The following ZNF382 variants were observed in gnomAD, a reference collection of about 807,000 sequenced individuals.
The protein encoded by ZNF382 is zinc finger protein 382, also known as KRAB/zinc finger suppressor protein 1.
In ZNF382, 20 loss-of-function variants were observed where a neutral mutation model predicts 38.8. The ratio of observed to expected loss-of-function variants is 0.51; its 90% CI spans 0.36 to 0.75. The LOEUF (loss-of-function observed/expected upper bound fraction) is 0.75. Among genes scored for constraint, ZNF382 ranks in the 30% least tolerant of loss-of-function variants. ZNF382 has a pLI of 0.00. For synonymous variants in ZNF382, 202 were observed against 223.1 expected, an observed-to-expected ratio of 0.91 and a Z score of 0.84; for missense variants, 546 against 654.1, an observed-to-expected ratio of 0.83 and a Z score of 1.80.
chr19:36,607,439 G>A (rs945060057), intron 1 of ZNF382, 113 bp from the exon 2 acceptor site: 2 of 663,798 alleles, frequency 3.0e-6, no homozygotes, highest in East Asian at 2.8e-5. Flanking sequence ...GGTACACAGG[G>A]TGGACAAGTG....
chr19:36,623,463 C>T (rs1158997967), intron 4 of ZNF382, among the ~76,000 whole-genome samples: 2 of 152,056 alleles, frequency 1.3e-5, no homozygotes, highest in Non-Finnish European at 2.9e-5. Flanking sequence ...ATTACAATTT[C>T]AGACAGACGG....
In ZNF382 at chr19:36,631,678, G is replaced by C. The variant is rs965154516; in HGVS notation, c.*4128G>C. 29 of 152,144 alleles carry C rather than the reference G, an allele frequency of 1.9e-4. No individual in the cohort carries two copies. The highest frequency in any genetic ancestry group is 6.8e-4 in the African/African-American group (28 of 41,416). The allele number at this position is 152,144 out of a possible 1,614,324, so 9.4% of individuals were successfully genotyped here. ...TGGGATTACAGGTGTGAGCCACCATGCCTGGCTGGTACTATAATCTTATGA... is the reference window on the plus strand; with the variant it reads ...TGGGATTACAGGTGTGAGCCACCATCCCTGGCTGGTACTATAATCTTATGA... On this transcript the variant is annotated 3_prime_UTR_variant, in exon 5 of 5. Transcript: ENST00000292928.
At chr19:36,613,958 T>C (rs2037099779) in intron 4 of ZNF382, among the ~76,000 whole-genome samples, 1 of 152,234 alleles carries the variant, frequency 6.6e-6, no homozygotes, top group Non-Finnish European at 1.5e-5. Context: ...TTAAGTCACA[T>C]TGACAATACC....
chr19:36,606,752 A>C (rs3096629), intron 1 of ZNF382, among the ~76,000 whole-genome samples: 36,056 of 151,876 alleles, frequency 0.24, 4,405 homozygotes, highest in South Asian at 0.36. Context: ...ATAGATTTTT[A>C]ATAAGTCCAG....
In ZNF382 at chr19:36,619,599, A is replaced by G. The variant is rs116207762; in HGVS notation, c.233-6531A>G. Among the ~76,000 whole-genome samples, 621 of 152,350 alleles carry G rather than the reference A, an allele frequency of 4.1e-3. 5 individuals carry two copies. Among genetic ancestry groups the G allele is most frequent in the African/African-American group, 0.014 (592 of 41,572 alleles). ...AATTAGATAAGTAAACACTGTTCACATGGAAGTGCCAGGTGAGAAGGTGAC... is the reference window on the plus strand; with the variant it reads ...AATTAGATAAGTAAACACTGTTCACGTGGAAGTGCCAGGTGAGAAGGTGAC... On this transcript the variant is annotated intron_variant, in intron 4 of 4. Transcript: ENST00000292928.
chr19:36,617,524 C>CA (rs1340187038), intron 4 of ZNF382, among the ~76,000 whole-genome samples: 31 of 152,250 alleles, frequency 2.0e-4, no homozygotes, highest in African/African-American at 7.5e-4. Context: ...GTCCAATAAT[C>CA]AATCTGTTCC....
chr19:36,607,458 G>C, intron 1 of ZNF382, 94 bp from the exon 2 acceptor site: 1 of 744,272 alleles, frequency 1.3e-6, no homozygotes, highest in South Asian at 1.7e-5. Flanking sequence ...TGCTGAAATA[G>C]TGAACATTCA....
In ZNF382 at chr19:36,629,384, T is replaced by A. The variant is rs1356892621; in HGVS notation, c.*1834T>A. On this transcript the variant is annotated 3_prime_UTR_variant, in exon 5 of 5. Transcript: ENST00000292928. ...ATCAGCTAGCATCAGCTGCCAACCA[T>A]GTAAGTGAGGCCTCTTGGACATCCA... 2.0e-5 allele frequency: 3 copies of A among 151,958 alleles called. No homozygotes were observed. The highest frequency in any genetic ancestry group is 4.4e-5 in the Non-Finnish European group (3 of 68,026). The allele number at this position is 151,958 out of a possible 1,614,324, so 9.4% of individuals were successfully genotyped here. A position where few individuals can be genotyped will look rare whatever the true frequency, so the allele number is the denominator to read the frequency against.
At chr19:36,610,516 G>A in intron 3 of ZNF382, 134 bp from the exon 4 acceptor site, 1 of 573,952 alleles carries the variant, frequency 1.7e-6, no homozygotes, top group East Asian at 3.0e-5. Flanking sequence ...CATCACTTGT[G>A]TAGTGTAAGG....
chr19:36,607,759 T>C, intron 2 of ZNF382, 137 bp downstream of exon 2: 1 of 914,354 alleles, frequency 1.1e-6, no homozygotes, highest in South Asian at 1.8e-5. Flanking sequence ...CAGATTAGGC[T>C]GAGGCAGGCA....
intron 4 of ZNF382, among the ~76,000 whole-genome samples, chr19:36,620,517 G>A (rs2037160615): frequency 6.6e-6 from 1 of 152,010 alleles, no homozygotes; most frequent in South Asian, 2.1e-4. Context: ...CTCAGTTCTT[G>A]ACTTTATGAA....
chr19:36,611,429 C>G (rs1012476266), intron 4 of ZNF382, among the ~76,000 whole-genome samples: 1 of 152,074 alleles, frequency 6.6e-6, no homozygotes, highest in Non-Finnish European at 1.5e-5. Flanking sequence ...TATCCTTTTT[C>G]TGACTGGCTT....
In ZNF382 at chr19:36,607,610, AG is replaced by A. The variant is rs1320781338; in HGVS notation, c.-25del. The A allele has an allele frequency of 6.5e-7, 1 of 1,531,868 alleles. No individual in the cohort carries two copies. The highest frequency in any genetic ancestry group is 2.0e-5 in the Admixed American group (1 of 49,860). 94.9% of individuals were successfully genotyped at this position (1,531,868 alleles called of 1,614,324 possible). The stretch of plus-strand genomic sequence containing the variant: ...GAGAAAGTTCATCTAGAAATCTCAA[AG>A]CCATGTCTCAGGTGAGATGATGTTT... On this transcript the variant is annotated 5_prime_UTR_variant, in exon 2 of 5. Transcript: ENST00000292928.
At chr19:36,620,522 T>C (rs2037160638) in intron 4 of ZNF382, among the ~76,000 whole-genome samples, 4 of 152,218 alleles carry the variant, frequency 2.6e-5, no homozygotes. Context: ...TTCTTGACTT[T>C]ATGAAAGTCC....
At chr19:36,610,956 C>T (rs114427000) in intron 4 of ZNF382, among the ~76,000 whole-genome samples, 420 of 152,246 alleles carry the variant, frequency 2.8e-3, no homozygotes, top group African/African-American at 9.8e-3. Context: ...ATTCATCTTG[C>T]AAAACTGAAG....
chr19:36,621,929 G>A (rs2037173836), intron 4 of ZNF382, among the ~76,000 whole-genome samples: 1 of 152,068 alleles, frequency 6.6e-6, no homozygotes, highest in Non-Finnish European at 1.5e-5. Flanking sequence ...AGCCAACTAG[G>A]AAGTTAGAGG....
At chr19:36,609,698 T>C (rs986805586) in intron 2 of ZNF382, 3 of 436,946 alleles carry the variant, frequency 6.9e-6, no homozygotes, top group African/African-American at 6.2e-5. Context: ...TTCATTTTGG[T>C]CTACCAGGCA....
chr19:36,607,487 A>T, intron 1 of ZNF382, 65 bp from the exon 2 acceptor site: 1 of 955,796 alleles, frequency 1.0e-6, no homozygotes, highest in Non-Finnish European at 1.6e-6. Flanking sequence ...TAACTGAGTT[A>T]ATTCTGGGAG....
At chr19:36,621,545 A>G (rs987497420) in intron 4 of ZNF382, among the ~76,000 whole-genome samples, 1 of 151,802 alleles carries the variant, frequency 6.6e-6, no homozygotes, top group Non-Finnish European at 1.5e-5. Context: ...CCCCGAATTC[A>G]TGGCTTCCAC....
Sources: gnomAD v4.1 joint callset for allele counts (sites outside exome capture counted in the v4.1 genomes callset) on GRCh38, gnomAD v4.1.1 for gene constraint, MANE v1.5 for transcripts, NCBI Gene and HGNC (gene_info 2026-07-23, HGNC 2026-07-21) for gene names.